The following PACSIN2 variants were observed in gnomAD, a reference collection of about 807,000 sequenced individuals.
PACSIN2 encodes the protein protein kinase C and casein kinase substrate in neurons protein 2.
Under a neutral mutation model 63.8 loss-of-function variants are expected in PACSIN2, and 25 were observed. The ratio of observed to expected loss-of-function variants is 0.39; its 90% CI spans 0.29 to 0.55. The LOEUF (loss-of-function observed/expected upper bound fraction) is 0.55. PACSIN2 is among the 20% of genes least tolerant of loss of function. The pLI is 0.62. For missense variants in PACSIN2, 518 were observed against 646.9 expected (o/e 0.80, Z 2.16); for synonymous variants, 255 against 256.2 (o/e 1.00, Z 0.05).
chr22:42,989,396 G>A (rs1367529226), intron 1 of PACSIN2, among the ~76,000 whole-genome samples: 2 of 151,626 alleles, frequency 1.3e-5, no homozygotes, highest in Non-Finnish European at 2.9e-5. Flanking sequence ...TACTAAGGAG[G>A]CTGAGGCAGG....
chr22:42,963,167 A>G (rs1483775989), intron 1 of PACSIN2, among the ~76,000 whole-genome samples: 1 of 152,242 alleles, frequency 6.6e-6, no homozygotes, highest in Non-Finnish European at 1.5e-5. Context: ...CACAGTGCTT[A>G]GGGTCCCACA....
intron 1 of PACSIN2, among the ~76,000 whole-genome samples, chr22:42,981,367 C>T (rs1922105043): frequency 6.9e-6 from 1 of 145,012 alleles, no homozygotes; most frequent in South Asian, 2.2e-4. Context: ...GGGGTCAGCC[C>T]CCCGCCCGAC....
intron 10 of PACSIN2, among the ~76,000 whole-genome samples, chr22:42,873,167 A>G (rs1021180763): frequency 6.6e-6 from 1 of 152,264 alleles, no homozygotes; most frequent in African/African-American, 2.4e-5. Flanking sequence ...ACTGGTGATT[A>G]GAAGGTTCAT....
chr22:42,950,749 T>C (rs970951833), intron 1 of PACSIN2, among the ~76,000 whole-genome samples: 2 of 152,230 alleles, frequency 1.3e-5, no homozygotes, highest in African/African-American at 4.8e-5. Flanking sequence ...CAGATGGCTA[T>C]GTACCAAAAA....
chr22:42,949,102 G>A (rs1601565422), intron 1 of PACSIN2, among the ~76,000 whole-genome samples: 1 of 152,190 alleles, frequency 6.6e-6, no homozygotes. Flanking sequence ...AAACCAGCCT[G>A]AGCAACAAGG....
intron 1 of PACSIN2, among the ~76,000 whole-genome samples, chr22:42,929,831 T>C (rs1162828191): frequency 6.6e-6 from 1 of 152,206 alleles, no homozygotes; most frequent in Non-Finnish European, 1.5e-5. Context: ...AAGATACTAA[T>C]TATTCTTTAA....
intron 1 of PACSIN2, among the ~76,000 whole-genome samples, chr22:42,921,497 G>C (rs1932194219): frequency 6.6e-6 from 1 of 152,190 alleles, no homozygotes; most frequent in Non-Finnish European, 1.5e-5. Flanking sequence ...TAGGGGAAGG[G>C]CCAAGAGGGA....
chr22:42,994,022 G>A (rs1466728193), intron 1 of PACSIN2, among the ~76,000 whole-genome samples: 8 of 152,206 alleles, frequency 5.3e-5, no homozygotes, highest in Admixed American at 5.2e-4. Flanking sequence ...TCTTCAGTGG[G>A]ATTCCTCCAG....
At chr22:42,983,966 T>C (rs911047833) in intron 1 of PACSIN2, among the ~76,000 whole-genome samples, 1 of 24,252 alleles carries the variant, frequency 4.1e-5, no homozygotes, top group Non-Finnish European at 7.2e-5. Context: ...ACTTAGCACT[T>C]TTTTTTTTTT....
intron 1 of PACSIN2, among the ~76,000 whole-genome samples, chr22:42,974,864 C>A (rs751263476): frequency 3.3e-5 from 5 of 151,786 alleles, no homozygotes; most frequent in Non-Finnish European, 7.4e-5. Flanking sequence ...GGAACAACAA[C>A]AACAACATAA....
intron 1 of PACSIN2, among the ~76,000 whole-genome samples, chr22:42,934,591 C>A (rs555895592): frequency 6.6e-6 from 1 of 152,242 alleles, no homozygotes; most frequent in Non-Finnish European, 1.5e-5. Flanking sequence ...CTGAGACTGC[C>A]GCCTTGCTGG....
At chr22:42,986,481 C>G (rs935641399) in intron 1 of PACSIN2, among the ~76,000 whole-genome samples, 5 of 152,208 alleles carry the variant, frequency 3.3e-5, no homozygotes, top group African/African-American at 9.6e-5. Context: ...AACCAGCAGA[C>G]AGGCTCGATC....
chr22:42,964,096 C>G (rs1037237312), intron 1 of PACSIN2, among the ~76,000 whole-genome samples: 2 of 152,198 alleles, frequency 1.3e-5, no homozygotes, highest in Non-Finnish European at 2.9e-5. Flanking sequence ...AACCCTTTCC[C>G]CAGCCCGCGG....
At chr22:42,894,732 T>C (rs1182155047) in intron 2 of PACSIN2, among the ~76,000 whole-genome samples, 1 of 152,236 alleles carries the variant, frequency 6.6e-6, no homozygotes, top group East Asian at 1.9e-4. Context: ...ATGTTCGATA[T>C]GTTTCATTCT....
chr22:43,005,527 A>C (rs548511137), intron 1 of PACSIN2, among the ~76,000 whole-genome samples: 2 of 152,352 alleles, frequency 1.3e-5, no homozygotes, highest in South Asian at 4.1e-4. Context: ...AGGGGAGTCC[A>C]TGCAGGGCCA....
intron 5 of PACSIN2, among the ~76,000 whole-genome samples, chr22:42,886,670 T>C (rs1929511656): frequency 6.6e-6 from 1 of 152,158 alleles, no homozygotes. Context: ...TCTCACTATG[T>C]TTCCCAGGCT....
intron 1 of PACSIN2, among the ~76,000 whole-genome samples, chr22:42,956,668 G>C (rs1227429328): frequency 6.6e-6 from 1 of 152,094 alleles, no homozygotes; most frequent in Admixed American, 6.5e-5. Flanking sequence ...CTGGTCTGGA[G>C]AGCTGCCCTG....
chr22:42,987,679 G>A (rs1326491250), intron 1 of PACSIN2, among the ~76,000 whole-genome samples: 1 of 151,126 alleles, frequency 6.6e-6, no homozygotes. Flanking sequence ...CTACAGGTGC[G>A]CACCACCACA....
intron 7 of PACSIN2, among the ~76,000 whole-genome samples, chr22:42,879,860 A>C (rs1167895180): frequency 6.6e-6 from 1 of 152,198 alleles, no homozygotes; most frequent in African/African-American, 2.4e-5. Flanking sequence ...GGCCCTCCCC[A>C]GTGTTTTGCT....
Sources: gnomAD v4.1 joint callset for allele counts (sites outside exome capture counted in the v4.1 genomes callset) on GRCh38, gnomAD v4.1.1 for gene constraint, MANE v1.5 for transcripts, NCBI Gene and HGNC (gene_info 2026-07-23, HGNC 2026-07-21) for gene names.